Variants in ATRNL1 observed in about 807,000 individuals in gnomAD.
ATRNL1 encodes attractin like 1.
Under a neutral mutation model 182.7 loss-of-function variants are expected in ATRNL1, and 95 were observed. The observed-to-expected ratio is 0.52, with a 90% CI of 0.44 to 0.62. The LOEUF (loss-of-function observed/expected upper bound fraction) is 0.62, where lower values mean the gene tolerates loss of function less well. Ranked by LOEUF, ATRNL1 falls within the 20% of genes least tolerant of loss-of-function variation. The pLI, the probability that ATRNL1 is intolerant of heterozygous loss-of-function variation, is 0.00. For missense variants in ATRNL1, 1,471 were observed against 1,679.5 expected (o/e 0.88, Z 2.17); for synonymous variants, 576 against 568.3 (o/e 1.01, Z -0.19).
At chr10:115,690,040 C>T (rs2255909) in intron 26 of ATRNL1, among the ~76,000 whole-genome samples, 22,011 of 152,134 alleles carry the variant, frequency 0.14, 2,117 homozygotes, top group Non-Finnish European at 0.21. Context: ...GGATCTCACT[C>T]TCTGCTTGCA....
intron 24 of ATRNL1, among the ~76,000 whole-genome samples, chr10:115,515,318 C>T (rs202221015): frequency 1.0e-3 from 124 of 120,094 alleles, no homozygotes; most frequent in Middle Eastern, 5.4e-3. Flanking sequence ...AATAGTTGTT[C>T]TTTTTTTTTT....
intron 28 of ATRNL1, among the ~76,000 whole-genome samples, chr10:115,913,065 C>T (rs1555116319): frequency 2.6e-5 from 4 of 152,162 alleles, no homozygotes; most frequent in African/African-American, 9.7e-5. Context: ...CTGCTGGTAG[C>T]ATAGAATGCA....
chr10:115,596,873 A>G (rs2133931948), intron 26 of ATRNL1, among the ~76,000 whole-genome samples: 1 of 152,320 alleles, frequency 6.6e-6, no homozygotes, highest in Non-Finnish European at 1.5e-5. Context: ...AAATAGGACT[A>G]GTTATTGGTA....
chr10:115,375,757 T>C (rs1857636157), intron 19 of ATRNL1, among the ~76,000 whole-genome samples: 1 of 152,138 alleles, frequency 6.6e-6, no homozygotes, highest in Non-Finnish European at 1.5e-5. Context: ...ACATTTTATG[T>C]AATTGATGTC....
At chr10:115,525,840 A>G (rs1323341141) in intron 25 of ATRNL1, among the ~76,000 whole-genome samples, 3 of 152,072 alleles carry the variant, frequency 2.0e-5, no homozygotes, top group Admixed American at 6.5e-5. Context: ...CAGTCTTAAC[A>G]TTTCGTTGCC....
chr10:115,812,075 T>G (rs1452295085), intron 27 of ATRNL1, among the ~76,000 whole-genome samples: 1 of 152,106 alleles, frequency 6.6e-6, no homozygotes, highest in Non-Finnish European at 1.5e-5. Flanking sequence ...TTAAATACAT[T>G]CATAATGTTG....
At chr10:115,612,604 G>A (rs1857221051) in intron 26 of ATRNL1, among the ~76,000 whole-genome samples, 1 of 152,214 alleles carries the variant, frequency 6.6e-6, no homozygotes, top group African/African-American at 2.4e-5. Context: ...CCAGGTCCTT[G>A]TGGAGACAGT....
intron 1 of ATRNL1, among the ~76,000 whole-genome samples, chr10:115,114,785 TGGG>T (rs1250827107): frequency 3.9e-5 from 6 of 151,970 alleles, no homozygotes; most frequent in Admixed American, 2.6e-4. Flanking sequence ...TGTACACTAT[TGGG>T]GGAAAGTAAA....
rs1487304401 is a variant in ATRNL1, at chr10:115,276,473, A to G, written c.2101-4882A>G. Among the ~76,000 whole-genome samples, 4 of 152,236 alleles carry G rather than the reference A, an allele frequency of 2.6e-5. No individual in the cohort carries two copies. The South Asian group carries it at 6.2e-4, about 24-fold the overall frequency. ...TCAATGATGATGTGTTAACAAGGAA[A>G]ACATTGGGTGAGATAGTGTAAGAGA... On this transcript the variant is annotated intron_variant, in intron 13 of 28. Transcript: ENST00000355044.
At chr10:115,279,226 A>T (rs960746400) in intron 13 of ATRNL1, among the ~76,000 whole-genome samples, 4 of 151,774 alleles carry the variant, frequency 2.6e-5, no homozygotes, top group African/African-American at 9.7e-5. Flanking sequence ...TAATAATAAT[A>T]ATAAAGACTC....
rs576088424 is a variant in ATRNL1, at chr10:115,410,886, C to T, written c.3270-15364C>T. On this transcript the variant is annotated intron_variant, in intron 20 of 28. Coordinates refer to ENST00000355044, the MANE Select transcript of ATRNL1 (RefSeq NM_207303.4). ...CTGAGTAGCTGGGATTACAGGTGTG[C>T]GCCACCATGCCCTGCTAATTTTTGT... Among the ~76,000 whole-genome samples the T allele has an allele frequency of 1.6e-3, 241 of 151,814 alleles. 1 individual carries two copies. The highest frequency in any genetic ancestry group is 2.5e-3 in the Non-Finnish European group (168 of 67,948).
At chr10:115,173,832 T>C (rs1344038030) in intron 8 of ATRNL1, among the ~76,000 whole-genome samples, 1 of 151,150 alleles carries the variant, frequency 6.6e-6, no homozygotes, top group African/African-American at 2.5e-5. Flanking sequence ...TATTGTTTAG[T>C]GTTTTAGAAT....
chr10:115,649,472 A>G (rs1859844410), intron 26 of ATRNL1, among the ~76,000 whole-genome samples: 1 of 152,180 alleles, frequency 6.6e-6, no homozygotes, highest in Admixed American at 6.6e-5. Flanking sequence ...CCATAAGATA[A>G]TTGTAATTGA....
chr10:115,685,672 T>A (rs1369995182), intron 26 of ATRNL1, among the ~76,000 whole-genome samples: 3 of 151,886 alleles, frequency 2.0e-5, no homozygotes, highest in African/African-American at 7.2e-5. Context: ...TGAAGGTATT[T>A]TACAAAATAT....
intron 8 of ATRNL1, among the ~76,000 whole-genome samples, chr10:115,172,915 A>G (rs1181893890): frequency 7.9e-5 from 12 of 151,332 alleles, no homozygotes; most frequent in Admixed American, 7.3e-4. Context: ...TTGGCCCTTA[A>G]TGACATCTGG....
chr10:115,880,019 AG>A (rs1951791177), intron 28 of ATRNL1, among the ~76,000 whole-genome samples: 1 of 152,244 alleles, frequency 6.6e-6, no homozygotes, highest in Non-Finnish European at 1.5e-5. Context: ...TGATGCCAAA[AG>A]CACCTGGAAA....
chr10:115,612,054 C>T (rs1857188796), intron 26 of ATRNL1, among the ~76,000 whole-genome samples: 1 of 152,058 alleles, frequency 6.6e-6, no homozygotes, highest in African/African-American at 2.4e-5. Flanking sequence ...AGTTCGAGAC[C>T]AGCCTGGCCT....
At chr10:115,367,913 C>G (rs1200187126) in intron 19 of ATRNL1, among the ~76,000 whole-genome samples, 3 of 150,474 alleles carry the variant, frequency 2.0e-5, no homozygotes, top group South Asian at 2.1e-4. Context: ...AGAACCACTG[C>G]TCTCTTCAAA....
intron 26 of ATRNL1, among the ~76,000 whole-genome samples, chr10:115,669,277 T>C (rs1257441874): frequency 6.6e-6 from 1 of 151,142 alleles, no homozygotes; most frequent in Non-Finnish European, 1.5e-5. Context: ...ATATGATAGC[T>C]GTCTGAAGGA....
Sources: allele counts gnomAD v4.1 joint callset (sites outside exome capture counted in the v4.1 genomes callset), GRCh38; gene constraint gnomAD v4.1.1; transcripts MANE v1.5; gene names NCBI Gene and HGNC (gene_info 2026-07-23, HGNC 2026-07-21).